The following WHRN variants were observed in gnomAD, a reference collection of about 807,000 sequenced individuals.
The protein encoded by WHRN is CASK-interacting protein CIP98.
Under a neutral mutation model 68.3 loss-of-function variants are expected in WHRN, and 41 were observed. The ratio of observed to expected loss-of-function variants is 0.60; its 90% CI spans 0.47 to 0.78. WHRN has a LOEUF of 0.78. Ranked by LOEUF, WHRN falls within the 30% of genes least tolerant of loss-of-function variation. The pLI, the probability that WHRN is intolerant of heterozygous loss-of-function variation, is 0.00. For synonymous variants in WHRN, 560 were observed against 561.3 expected, an observed-to-expected ratio of 1.00 and a Z score of 0.03; for missense variants, 1,243 against 1,244.7, an observed-to-expected ratio of 1.00 and a Z score of 0.02.
intron 2 of WHRN, among the ~76,000 whole-genome samples, chr9:114,477,970 T>C (rs1043190940): frequency 1.3e-5 from 2 of 152,082 alleles, no homozygotes; most frequent in Non-Finnish European, 2.9e-5. Context: ...GGGGACCTGA[T>C]GTGGCCCAGC....
chr9:114,456,499 A>G (rs1757073660), intron 3 of WHRN, among the ~76,000 whole-genome samples: 1 of 152,142 alleles, frequency 6.6e-6, no homozygotes, highest in South Asian at 2.1e-4. Flanking sequence ...TAAACACTGT[A>G]CTTCAGCTGG....
intron 8 of WHRN, among the ~76,000 whole-genome samples, chr9:114,407,324 C>A (rs1047288715): frequency 1.3e-5 from 2 of 152,186 alleles, no homozygotes; most frequent in African/African-American, 4.8e-5. Context: ...GATACATGGG[C>A]TGGGGTGCTA....
chr9:114,466,183 T>C, intron 3 of WHRN, 84 bp downstream of exon 3: 1 of 1,599,004 alleles, frequency 6.3e-7, no homozygotes. Context: ...GGTGGAGTGC[T>C]GATTGCTCTG....
chr9:114,504,163 C>G, intron 1 of WHRN, 21 bp downstream of exon 1: 2 of 1,614,030 alleles, frequency 1.2e-6, no homozygotes, highest in Non-Finnish European at 1.7e-6. Context: ...GCCCCAGACT[C>G]TCTCCAAACC....
chr9:114,407,550 C>T (rs927820725), intron 8 of WHRN, among the ~76,000 whole-genome samples: 1 of 152,228 alleles, frequency 6.6e-6, no homozygotes, highest in Non-Finnish European at 1.5e-5. Context: ...ACCTGCACAG[C>T]TCCAACAACC....
In WHRN at chr9:114,504,434, C is replaced by T. The variant is rs1844213480; in HGVS notation, c.368G>A (p.Arg123Lys). 1.1e-5 allele frequency: 17 copies of T among 1,606,964 alleles called. No individual in the cohort carries two copies. The highest frequency in any genetic ancestry group is 1.7e-5 in the Admixed American group (1 of 59,974). The change falls in exon 1 of 12, where the codon AGG becomes AAG. Residue 123 changes from arginine (R) to lysine (K), a missense_variant. Physicochemically the swap from Arg to Lys is conservative, Grantham distance 26. Transcript: ENST00000362057. ...GLYLPATTPY[R>K]QPAWGGPDSA... ...GTCGGGGCCGCCCCAGGCGGGCTGCCTGTAGGGGGTGGTGGCGGGCAGGTA... is the reference window on the plus strand; with the variant it reads ...GTCGGGGCCGCCCCAGGCGGGCTGCTTGTAGGGGGTGGTGGCGGGCAGGTA...
chr9:114,436,183 T>TA (rs890736588), intron 3 of WHRN, among the ~76,000 whole-genome samples: 1 of 152,132 alleles, frequency 6.6e-6, no homozygotes, highest in Admixed American at 6.5e-5. Flanking sequence ...GGCAAACTGA[T>TA]AGAGACACTG....
At chr9:114,416,104 A>G (rs2132282033) in intron 7 of WHRN, among the ~76,000 whole-genome samples, 1 of 152,280 alleles carries the variant, frequency 6.6e-6, no homozygotes, top group East Asian at 1.9e-4. Context: ...AGAGGAGGGA[A>G]GAAGGACAGT....
At chr9:114,440,805 C>T (rs192691632) in intron 3 of WHRN, among the ~76,000 whole-genome samples, 1 of 152,294 alleles carries the variant, frequency 6.6e-6, no homozygotes, top group East Asian at 1.9e-4. Flanking sequence ...TCTGTCTCTA[C>T]AGTAAATTGC....
intron 1 of WHRN, among the ~76,000 whole-genome samples, chr9:114,484,815 G>A (rs999583546): frequency 2.6e-5 from 4 of 152,186 alleles, no homozygotes; most frequent in African/African-American, 9.7e-5. Context: ...AATGCTCTCA[G>A]GAGGCAAATT....
intron 3 of WHRN, among the ~76,000 whole-genome samples, chr9:114,433,859 A>G (rs1223722532): frequency 1.3e-5 from 2 of 152,144 alleles, no homozygotes; most frequent in Admixed American, 6.5e-5. Flanking sequence ...GCTAATGCAC[A>G]CTGACTCCCA....
At chr9:114,430,268 G>A (rs74734917) in intron 3 of WHRN, among the ~76,000 whole-genome samples, 5,085 of 152,148 alleles carry the variant, frequency 0.033, 95 homozygotes, top group East Asian at 0.053. Context: ...GAAGGTTGCC[G>A]GATAAAATAT....
chr9:114,425,311 A>C, intron 4 of WHRN: 2 of 615,610 alleles, frequency 3.2e-6, no homozygotes, highest in Non-Finnish European at 5.8e-6. Flanking sequence ...AGGTAACACA[A>C]GGAGTGGAGG....
intron 3 of WHRN, among the ~76,000 whole-genome samples, chr9:114,438,454 CTTTT>C (rs869187937): frequency 1.5e-5 from 2 of 134,186 alleles, no homozygotes. Flanking sequence ...TCTTTTTTTT[CTTTT>C]TTTTTTTTTT....
intron 1 of WHRN, 64 bp from the exon 2 acceptor site, chr9:114,478,835 C>T: frequency 6.6e-7 from 1 of 1,508,288 alleles, no homozygotes; most frequent in East Asian, 2.4e-5. Context: ...GGAACACCCT[C>T]CCCTGGCCCA....
chr9:114,456,764 G>A (rs1286997289), intron 3 of WHRN, among the ~76,000 whole-genome samples: 1 of 151,950 alleles, frequency 6.6e-6, no homozygotes, highest in Non-Finnish European at 1.5e-5. Flanking sequence ...GGGAGGTGGA[G>A]GTTGCAGCGA....
intron 3 of WHRN, among the ~76,000 whole-genome samples, chr9:114,429,376 C>T (rs575976810): frequency 6.6e-6 from 1 of 152,322 alleles, no homozygotes; most frequent in East Asian, 1.9e-4. Context: ...CAAATGCTAA[C>T]TCTATCACTT....
chr9:114,432,029 G>C (rs1406909055), intron 3 of WHRN, among the ~76,000 whole-genome samples: 4 of 152,190 alleles, frequency 2.6e-5, no homozygotes, highest in African/African-American at 9.7e-5. Flanking sequence ...GCACTGATGG[G>C]GAGGACAAGG....
At chr9:114,497,572 A>G (rs772232845) in intron 1 of WHRN, among the ~76,000 whole-genome samples, 6 of 152,156 alleles carry the variant, frequency 3.9e-5, no homozygotes, top group African/African-American at 7.2e-5. Flanking sequence ...CAGAAGATAT[A>G]TCTCACCCAA....
Sources: gnomAD v4.1 joint callset for allele counts (sites outside exome capture counted in the v4.1 genomes callset) on GRCh38, gnomAD v4.1.1 for gene constraint, MANE v1.5 for transcripts, NCBI Gene and HGNC (gene_info 2026-07-23, HGNC 2026-07-21) for gene names.